GEMIN7: variants seen among roughly 807,000 people sequenced by gnomAD.
GEMIN7 encodes gem-associated protein 7.
A neutral mutation model predicts 7.8 loss-of-function variants in GEMIN7; 7 were observed. That is an observed-to-expected ratio of 0.90 (90% CI 0.51 to 1.69). The LOEUF is 1.69. Ranked by LOEUF, GEMIN7 falls within the 40% of genes most tolerant of loss-of-function variation. The pLI, the probability that GEMIN7 is intolerant of heterozygous loss-of-function variation, is 0.00. For synonymous variants in GEMIN7, 68 were observed against 72.4 expected, an observed-to-expected ratio of 0.94 and a Z score of 0.31; for missense variants, 159 against 176.2, an observed-to-expected ratio of 0.90 and a Z score of 0.55.
At chr19:45,086,881 C>G (rs1296636576) in intron 2 of GEMIN7, among the ~76,000 whole-genome samples, 1 of 152,168 alleles carries the variant, frequency 6.6e-6, no homozygotes, top group Non-Finnish European at 1.5e-5. Context: ...GAGTCTTGCT[C>G]TGTCGCCCAG....
intron 2 of GEMIN7, among the ~76,000 whole-genome samples, chr19:45,087,225 C>T (rs1444945444): frequency 1.3e-5 from 2 of 152,140 alleles, no homozygotes; most frequent in East Asian, 3.9e-4. Flanking sequence ...CTCACTGCAA[C>T]CTCTGCCTCC....
At chr19:45,082,061 G>A (rs116134078) in intron 2 of GEMIN7, among the ~76,000 whole-genome samples, 1,678 of 152,038 alleles carry the variant, frequency 0.011, 28 homozygotes, top group African/African-American at 0.036. Context: ...CTTCAATCTC[G>A]TTTATTGTCC....
At chr19:45,075,864 T>G (rs1642354041), upstream of GEMIN7, 1 of 1,613,194 alleles carries the variant, frequency 6.2e-7, no homozygotes. Flanking sequence ...GCTGGCGGTC[T>G]GCAGGGAGGA....
intron 2 of GEMIN7, among the ~76,000 whole-genome samples, chr19:45,086,562 C>T (rs186694859): frequency 1.2e-4 from 18 of 152,266 alleles, no homozygotes; most frequent in Non-Finnish European, 2.4e-4. Context: ...TCCCCATGCC[C>T]GCCCTGTGAG....
At chr19:45,076,088 G>A (rs200957174), upstream of GEMIN7, 444 of 1,581,516 alleles carry the variant, frequency 2.8e-4, no homozygotes, top group Non-Finnish European at 3.6e-4. The surrounding 1 kb of genome is among the most constrained non-coding windows in gnomAD (Gnocchi z 4.9). Context: ...GGATAGTTCG[G>A]GGTCAACGGC....
At chr19:45,083,136 ATAAAGT>A (rs1428790626) in intron 2 of GEMIN7, among the ~76,000 whole-genome samples, 1 of 152,176 alleles carries the variant, frequency 6.6e-6, no homozygotes. Flanking sequence ...GAAAAATAAA[ATAAAGT>A]TAAAATTGAA....
At position 45,079,319 on chromosome 19, in the gene GEMIN7, C is replaced by CA. The variant is rs1967420935; in HGVS notation, c.-190_-189insA. Reference sequence around the variant, plus strand: ...GTGGGGGGTCGCCAGCAGGTTCCCTCTCCCCGGCCCCAGCTCTGGACGCTC... The same window carrying CA: ...GTGGGGGGTCGCCAGCAGGTTCCCTCATCCCCGGCCCCAGCTCTGGACGCTC... On this transcript the variant is annotated 5_prime_UTR_variant, in exon 1 of 3. Coordinates refer to ENST00000270257, the MANE Select transcript of GEMIN7 (RefSeq NM_024707.3). 6.6e-6 allele frequency: 1 copy of CA among 152,628 alleles called. No homozygotes were observed. The highest frequency in any genetic ancestry group is 6.5e-5 in the Admixed American group (1 of 15,288). The allele number at this position is 152,628 out of a possible 1,614,324, so 9.5% of individuals were successfully genotyped here.
At chr19:45,078,002 T>A (rs557695031), upstream of GEMIN7, among the ~76,000 whole-genome samples, 8 of 152,182 alleles carry the variant, frequency 5.3e-5, no homozygotes, top group African/African-American at 1.9e-4. Flanking sequence ...AGTGCTGAGA[T>A]TACAGGTGTG....
At chr19:45,085,842 G>C (rs1156531031) in intron 2 of GEMIN7, among the ~76,000 whole-genome samples, 1 of 148,436 alleles carries the variant, frequency 6.7e-6, no homozygotes, top group African/African-American at 2.5e-5. Flanking sequence ...AGCTTCTCGG[G>C]AGACTGAGGC....
At chr19:45,088,688 C>T (rs1006466609) in intron 2 of GEMIN7, 2 of 151,946 alleles carry the variant, frequency 1.3e-5, no homozygotes, top group Non-Finnish European at 2.9e-5. Context: ...TCAAGACCAG[C>T]CTCGGCAACA....
At chr19:45,081,528 A>G (rs1568429604) in intron 2 of GEMIN7, among the ~76,000 whole-genome samples, 1 of 151,920 alleles carries the variant, frequency 6.6e-6, no homozygotes, top group Non-Finnish European at 1.5e-5. Context: ...TGTCAGGAAA[A>G]AAAAAAAAAA....
At chr19:45,087,561 T>C (rs956938443) in intron 2 of GEMIN7, among the ~76,000 whole-genome samples, 1 of 152,100 alleles carries the variant, frequency 6.6e-6, no homozygotes, top group Non-Finnish European at 1.5e-5. Context: ...TACAGGCAGA[T>C]ACAGGGAACC....
chr19:45,081,364 G>A (rs560979306), intron 2 of GEMIN7, among the ~76,000 whole-genome samples: 19 of 151,958 alleles, frequency 1.3e-4, no homozygotes, highest in Admixed American at 3.3e-4. Context: ...GCTGAGGCAG[G>A]AGAATTGCTT....
chr19:45,078,741 A>T (rs574354180), upstream of GEMIN7, among the ~76,000 whole-genome samples: 21 of 152,282 alleles, frequency 1.4e-4, no homozygotes, highest in South Asian at 4.4e-3. Flanking sequence ...CTGGGCCTGG[A>T]ATAGGGAGGT....
chr19:45,078,097 CTTTT>C (rs57149861), upstream of GEMIN7, among the ~76,000 whole-genome samples: 2 of 96,654 alleles, frequency 2.1e-5, no homozygotes, highest in Non-Finnish European at 3.8e-5. Flanking sequence ...TTATTTTACT[CTTTT>C]TTTTTTTTTT....
At chr19:45,083,507 A>G (rs1172933753) in intron 2 of GEMIN7, among the ~76,000 whole-genome samples, 1 of 151,884 alleles carries the variant, frequency 6.6e-6, no homozygotes, top group African/African-American at 2.4e-5. Flanking sequence ...GAGATCAGTA[A>G]GATTTGGCAG....
rs1279474655 is a variant in GEMIN7, at chr19:45,091,308, G to T, written c.*798G>T. 2 of 167,160 alleles carry T rather than the reference G, an allele frequency of 1.2e-5. No individual in the cohort carries two copies. Among genetic ancestry groups the T allele is most frequent in the Non-Finnish European group, 2.9e-5 (2 of 68,146 alleles). The allele number at this position is 167,160 out of a possible 1,614,324, so 10.4% of individuals were successfully genotyped here. A position where few individuals can be genotyped will look rare whatever the true frequency, so the allele number is the denominator to read the frequency against. Reference sequence around the variant, plus strand: ...CCCTGATAAAAGGCCGAGGATTCGCGATCAGGGTGCAACTTCACTCCCTCC... The same window carrying T: ...CCCTGATAAAAGGCCGAGGATTCGCTATCAGGGTGCAACTTCACTCCCTCC... On this transcript the variant is annotated 3_prime_UTR_variant, in exon 3 of 3. Coordinates refer to ENST00000270257, the MANE Select transcript of GEMIN7 (RefSeq NM_024707.3).
upstream of GEMIN7, chr19:45,075,733 G>C: frequency 1.2e-6 from 2 of 1,614,062 alleles, no homozygotes; most frequent in Non-Finnish European, 1.7e-6. Flanking sequence ...GCCGCGGCTG[G>C]GGCCTCTGAA....
chr19:45,087,081 G>A (rs1350366031), intron 2 of GEMIN7, among the ~76,000 whole-genome samples: 10 of 151,890 alleles, frequency 6.6e-5, no homozygotes, highest in South Asian at 2.1e-4. Context: ...TCTTGATCTC[G>A]TGATCCACCT....
Sources: allele counts gnomAD v4.1 joint callset (sites outside exome capture counted in the v4.1 genomes callset), GRCh38; gene constraint gnomAD v4.1.1; non-coding constraint Gnocchi (gnomAD v3.1); transcripts MANE v1.5; gene names NCBI Gene and HGNC (gene_info 2026-07-23, HGNC 2026-07-21).